The following CSMD3 variants were observed in gnomAD, a reference collection of about 807,000 sequenced individuals.
CSMD3 encodes the protein CUB and sushi domain-containing protein 3.
A neutral mutation model predicts 435.2 loss-of-function variants in CSMD3; 177 were observed. The observed-to-expected ratio is 0.41, with a 90% CI of 0.36 to 0.46. The LOEUF is 0.46. Among genes scored for constraint, CSMD3 ranks in the 20% least tolerant of loss-of-function variants. The probability of loss-of-function intolerance (pLI) is 0.34; values close to 1 mark genes in which losing one functional copy is unlikely to be tolerated. For synonymous variants in CSMD3, 1,656 were observed against 1,520.5 expected, an observed-to-expected ratio of 1.09 and a Z score of -2.07; for missense variants, 4,265 against 4,504.6, an observed-to-expected ratio of 0.95 and a Z score of 1.52.
chr8:113,340,426 C>T (rs2094110472), intron 1 of CSMD3, among the ~76,000 whole-genome samples: 2 of 152,122 alleles, frequency 1.3e-5, no homozygotes, highest in Admixed American at 1.3e-4. Context: ...GAGTAACCTA[C>T]ATACTTATTC....
At chr8:112,885,141 C>T (rs1349759429) in intron 10 of CSMD3, among the ~76,000 whole-genome samples, 1 of 151,608 alleles carries the variant, frequency 6.6e-6, no homozygotes, top group East Asian at 2.0e-4. Context: ...ACATCTTATT[C>T]CTGACTGGTC....
intron 3 of CSMD3, among the ~76,000 whole-genome samples, chr8:113,176,769 AT>A (rs1438724324): frequency 6.6e-6 from 1 of 151,934 alleles, no homozygotes; most frequent in African/African-American, 2.4e-5. Flanking sequence ...TGGATAGAGT[AT>A]TAGGGAAAAG....
chr8:112,678,553 A>G (rs767567655), intron 16 of CSMD3, among the ~76,000 whole-genome samples: 4 of 152,140 alleles, frequency 2.6e-5, no homozygotes, highest in Non-Finnish European at 5.9e-5. Context: ...TAAGAAAGAA[A>G]GCCAAGTAAT....
chr8:113,211,425 A>C (rs188212711), intron 3 of CSMD3, among the ~76,000 whole-genome samples: 79 of 152,272 alleles, frequency 5.2e-4, no homozygotes, highest in African/African-American at 1.8e-3. Flanking sequence ...GGTCTTAGTG[A>C]GATGTAAATG....
At chr8:112,614,247 T>C (rs978244053) in intron 22 of CSMD3, among the ~76,000 whole-genome samples, 1 of 152,116 alleles carries the variant, frequency 6.6e-6, no homozygotes, top group Non-Finnish European at 1.5e-5. Flanking sequence ...CTAATTGCCA[T>C]GGTAGCAAAC....
chr8:112,736,990 C>T (rs944148359), intron 13 of CSMD3, among the ~76,000 whole-genome samples: 6 of 151,818 alleles, frequency 4.0e-5, no homozygotes, highest in Admixed American at 2.0e-4. Flanking sequence ...CTTTAAAATG[C>T]TTGTAAAGTA....
rs75883930 is a variant in CSMD3, at chr8:113,329,474, T to C, written c.179-14681A>G. Among the ~76,000 whole-genome samples the C allele has an allele frequency of 3.0e-4, 46 of 152,106 alleles. 1 individual carries two copies. In the East Asian group the frequency reaches 7.7e-3, roughly 26 times the overall value. ...GAACATAAACAGAAAATAATGAACA[T>C]GAATAAGCAAAGCCTCAGAGGCTTT... On this transcript the variant is annotated intron_variant, in intron 1 of 70. Coordinates refer to ENST00000297405, the MANE Select transcript of CSMD3 (RefSeq NM_198123.2).
chr8:112,570,970 T>C (rs1370882533), intron 24 of CSMD3, among the ~76,000 whole-genome samples: 1 of 152,176 alleles, frequency 6.6e-6, no homozygotes, highest in Non-Finnish European at 1.5e-5. Flanking sequence ...TCCATAAACA[T>C]ACATTTCCTT....
At position 112,345,874 on chromosome 8, in the gene CSMD3, AT is replaced by A. The variant is rs552902784; in HGVS notation, c.6442+222del. 1.3e-3 allele frequency among the ~76,000 whole-genome samples: 190 copies of A among 151,644 alleles called. 1 individual carries two copies. The highest frequency in any genetic ancestry group is 4.3e-3 in the African/African-American group (178 of 41,048). On this transcript the variant is annotated intron_variant, in intron 41 of 70. Coordinates refer to ENST00000297405, the MANE Select transcript of CSMD3 (RefSeq NM_198123.2). ...AATAATAAATCAGAGTAAAAAAAAA[AT>A]ATGCCCATATACCTTCAATTATCCA...
intron 3 of CSMD3, among the ~76,000 whole-genome samples, chr8:113,197,942 T>C (rs1270685323): frequency 6.6e-6 from 1 of 151,402 alleles, no homozygotes; most frequent in Admixed American, 6.6e-5. Flanking sequence ...ACTGGTGTCA[T>C]GTAACTAACT....
chr8:112,799,680 T>G (rs1181655858), intron 13 of CSMD3, among the ~76,000 whole-genome samples: 1 of 151,980 alleles, frequency 6.6e-6, no homozygotes, highest in African/African-American at 2.4e-5. Context: ...ATCTGTATCT[T>G]TACTGACACT....
intron 6 of CSMD3, among the ~76,000 whole-genome samples, chr8:112,982,607 G>T (rs2130970696): frequency 6.6e-6 from 1 of 151,994 alleles, no homozygotes; most frequent in Non-Finnish European, 1.5e-5. Context: ...ATATTTTATT[G>T]CAAGATGTCA....
At position 112,341,569 on chromosome 8, in the gene CSMD3, G is replaced by C. The variant is rs2130992140; in HGVS notation, c.6560C>G (p.Pro2187Arg). 1 of 1,612,788 alleles carries C rather than the reference G, an allele frequency of 6.2e-7. No individual in the cohort carries two copies. ...VIGRLSGPQI[P>R]SSLFSTTHET... The stretch of plus-strand genomic sequence containing the variant: ...ATGGGTGGTGCTGAATAAGGAAGAT[G>C]GTATTTGAGGACCACTAAGCCGGCC... Residue 2187 changes from proline to arginine, a missense_variant, in exon 42 of 71, where the codon CCA becomes CGA. By Grantham distance (103) the Pro-to-Arg change is moderately radical. This residue lies in a region of CSMD3 where 3,255 missense variants were observed against 3,380.2 expected (regional missense o/e 0.96). Transcript: ENST00000297405.
intron 1 of CSMD3, among the ~76,000 whole-genome samples, chr8:113,409,842 G>A (rs1331060278): frequency 6.6e-6 from 1 of 151,370 alleles, no homozygotes; most frequent in Non-Finnish European, 1.5e-5. Flanking sequence ...GGATTCTTTG[G>A]TATGTGCATT....
At chr8:112,603,628 G>T (rs1025655221) in intron 22 of CSMD3, among the ~76,000 whole-genome samples, 1 of 152,090 alleles carries the variant, frequency 6.6e-6, no homozygotes, top group Non-Finnish European at 1.5e-5. Context: ...TAATAGATTT[G>T]TGGACATTTT....
chr8:113,175,521 T>G (rs1435229191), intron 3 of CSMD3, among the ~76,000 whole-genome samples: 1 of 151,978 alleles, frequency 6.6e-6, no homozygotes, highest in Non-Finnish European at 1.5e-5. Flanking sequence ...ATTTTGTTAT[T>G]TCTCCAAGAC....
intron 3 of CSMD3, among the ~76,000 whole-genome samples, chr8:113,198,796 A>G (rs1032832050): frequency 6.6e-6 from 1 of 151,220 alleles, no homozygotes; most frequent in Non-Finnish European, 1.5e-5. Context: ...CCATTTTTCT[A>G]TTCTCCATTT....
intron 36 of CSMD3, among the ~76,000 whole-genome samples, chr8:112,384,789 C>A (rs970425577): frequency 6.6e-6 from 1 of 152,166 alleles, no homozygotes; most frequent in Non-Finnish European, 1.5e-5. Flanking sequence ...AGGAATAAGA[C>A]CAGAAGTAAA....
At chr8:112,956,239 C>CT (rs2084015201) in intron 7 of CSMD3, among the ~76,000 whole-genome samples, 1 of 151,880 alleles carries the variant, frequency 6.6e-6, no homozygotes, top group African/African-American at 2.4e-5. Context: ...ACTGTGAATC[C>CT]TTATTCATGG....
Sources: allele counts gnomAD v4.1 joint callset (sites outside exome capture counted in the v4.1 genomes callset), GRCh38; gene constraint gnomAD v4.1.1; regional missense constraint gnomAD v4.1.1; transcripts MANE v1.5; gene names NCBI Gene and HGNC (gene_info 2026-07-23, HGNC 2026-07-21).